ABTB2: variants seen among roughly 807,000 people sequenced by gnomAD.
The protein encoded by ABTB2 is ankyrin repeat and BTB/POZ domain-containing protein 2.
A neutral mutation model predicts 104.1 loss-of-function variants in ABTB2; 56 were observed. The ratio of observed to expected loss-of-function variants is 0.54; its 90% CI spans 0.43 to 0.67. ABTB2 has a LOEUF of 0.67. Ranked by LOEUF, ABTB2 falls within the 30% of genes least tolerant of loss-of-function variation. The pLI is 0.00. For missense variants in ABTB2, 1,279 were observed against 1,407.7 expected, an observed-to-expected ratio of 0.91 and a Z score of 1.46; for synonymous variants, 606 against 608.2, an observed-to-expected ratio of 1.00 and a Z score of 0.05.
chr11:34,221,295 C>A lies in ABTB2; in HGVS notation c.884-16605G>T, dbSNP rs193241126. Reference sequence around the variant, plus strand: ...CCATCTCTTCTTCTGATAAGGACATCGGCCATACTGAGTTAAGGCCTACCC... The same window carrying A: ...CCATCTCTTCTTCTGATAAGGACATAGGCCATACTGAGTTAAGGCCTACCC... On this transcript the variant is annotated intron_variant, in intron 1 of 16. Coordinates refer to ENST00000435224, the MANE Select transcript of ABTB2 (RefSeq NM_145804.3). Among the ~76,000 whole-genome samples, 510 of 152,236 alleles carry A rather than the reference C, an allele frequency of 3.4e-3. 3 individuals are homozygous for A. The highest frequency in any genetic ancestry group is 3.7e-3 in the Non-Finnish European group (250 of 68,012).
rs368982081 is a variant in ABTB2 at position 34,215,220 on chromosome 11, C to T, written c.884-10530G>A. Among the ~76,000 whole-genome samples, 29 of 152,284 alleles carry T rather than the reference C, an allele frequency of 1.9e-4. No individual in the cohort carries two copies. The South Asian group carries it at 3.3e-3, about 17-fold the overall frequency. ...AGGGAGGGAGAGGAGGCAAAGCCAG[C>T]GCAGGGAGTGACAGCTGAGCTGCAT... On this transcript the variant is annotated intron_variant, in intron 1 of 16. Transcript: ENST00000435224.
At chr11:34,269,807 T>C (rs575115807) in intron 1 of ABTB2, among the ~76,000 whole-genome samples, 1 of 152,380 alleles carries the variant, frequency 6.6e-6, no homozygotes, top group South Asian at 2.1e-4. Context: ...AGAGGTTGTG[T>C]GTGCTTCCAC....
chr11:34,355,450 T>G (rs1452417666), intron 1 of ABTB2, among the ~76,000 whole-genome samples: 1 of 152,200 alleles, frequency 6.6e-6, no homozygotes, highest in Admixed American at 6.5e-5. Context: ...TCCTTATCTG[T>G]AAAATGGGCA....
chr11:34,296,242 C>T, intron 1 of ABTB2, among the ~76,000 whole-genome samples: 1 of 151,946 alleles, frequency 6.6e-6, no homozygotes, highest in Non-Finnish European at 1.5e-5. Flanking sequence ...TTGGGTTTAA[C>T]CAGGGTTAGG....
intron 3 of ABTB2, among the ~76,000 whole-genome samples, chr11:34,182,238 G>A (rs964251583): frequency 5.3e-5 from 8 of 152,278 alleles, no homozygotes; most frequent in South Asian, 4.1e-4. Context: ...ACATTGTCCC[G>A]CTAAGTCAGA....
At chr11:34,217,527 TCCTGGCTCACCA>T (rs1853564724) in intron 1 of ABTB2, among the ~76,000 whole-genome samples, 1 of 152,226 alleles carries the variant, frequency 6.6e-6, no homozygotes, top group Non-Finnish European at 1.5e-5. Context: ...AGTGGTGTGA[TCCTGGCTCACCA>T]CAATCTTCGC....
intron 1 of ABTB2, among the ~76,000 whole-genome samples, chr11:34,308,502 A>G (rs1309349209): frequency 6.6e-6 from 1 of 152,194 alleles, no homozygotes; most frequent in Non-Finnish European, 1.5e-5. Context: ...GGGCACAAGC[A>G]CTGTAAGAAT....
chr11:34,203,120 C>A (rs1249114313), intron 2 of ABTB2, among the ~76,000 whole-genome samples: 2 of 152,180 alleles, frequency 1.3e-5, no homozygotes, highest in African/African-American at 4.8e-5. Context: ...CCCCAAGGAG[C>A]TGGTGGCTGG....
At chr11:34,326,043 AAATG>A (rs1855067076) in intron 1 of ABTB2, among the ~76,000 whole-genome samples, 1 of 151,594 alleles carries the variant, frequency 6.6e-6, no homozygotes, top group African/African-American at 2.4e-5. Context: ...AATGTTTACT[AAATG>A]AATGAATGAG....
intron 1 of ABTB2, among the ~76,000 whole-genome samples, chr11:34,314,675 C>T (rs1854902919): frequency 6.6e-6 from 1 of 152,196 alleles, no homozygotes; most frequent in South Asian, 2.1e-4. Flanking sequence ...AGAGCTCAAC[C>T]TCCCCCTGGT....
rs537288734 is a variant in ABTB2 at position 34,162,471 on chromosome 11, C to T, written c.2218+105G>A. 403 of 1,248,716 alleles carry T rather than the reference C, an allele frequency of 3.2e-4. 5 individuals are homozygous for T. In the Middle Eastern group the frequency reaches 7.1e-3, roughly 22 times the overall value. 77.4% of individuals were successfully genotyped at this position (1,248,716 alleles called of 1,614,324 possible). A position where few individuals can be genotyped will look rare whatever the true frequency, so the allele number is the denominator to read the frequency against. ...TCAGCTGCCCTGGGGCTTGTCTGTC[C>T]CTGCAGGCCCTGGCCCTCTCAGGCC... On this transcript the variant is annotated intron_variant, in intron 10 of 16. Transcript: ENST00000435224.
At chr11:34,343,326 C>G (rs1489395542) in intron 1 of ABTB2, among the ~76,000 whole-genome samples, 1 of 152,176 alleles carries the variant, frequency 6.6e-6, no homozygotes, top group African/African-American at 2.4e-5. Flanking sequence ...GCTTTTACCA[C>G]TAATAATAGT....
chr11:34,178,634 C>G (rs1408131950), intron 3 of ABTB2, among the ~76,000 whole-genome samples: 1 of 152,226 alleles, frequency 6.6e-6, no homozygotes, highest in Non-Finnish European at 1.5e-5. Flanking sequence ...ATGCAGATAT[C>G]TGCAGGGCCA....
chr11:34,188,984 C>T (rs538252531), intron 3 of ABTB2, among the ~76,000 whole-genome samples: 2 of 152,298 alleles, frequency 1.3e-5, no homozygotes, highest in South Asian at 2.1e-4. Flanking sequence ...CAGGAGGAAA[C>T]GGAGACTCTG....
rs545468271 is a variant in ABTB2, at chr11:34,242,712, G to A, written c.884-38022C>T. Among the ~76,000 whole-genome samples the A allele has an allele frequency of 5.9e-5, 9 of 152,284 alleles. 1 individual carries two copies. In the East Asian group the frequency reaches 1.7e-3, roughly 29 times the overall value. On this transcript the variant is annotated intron_variant, in intron 1 of 16. Transcript: ENST00000435224. ...GGTGGGGTCTTCCTGGTGTAAGGGT[G>A]TATGACAGATCTAACTAATCACCAC...
intron 2 of ABTB2, among the ~76,000 whole-genome samples, chr11:34,199,226 G>A (rs1425016853): frequency 1.3e-5 from 2 of 152,130 alleles, no homozygotes; most frequent in African/African-American, 4.8e-5. Flanking sequence ...ATGGTGTTTG[G>A]CTTCCAGGCA....
At chr11:34,319,210 C>T (rs1322232041) in intron 1 of ABTB2, among the ~76,000 whole-genome samples, 1 of 152,222 alleles carries the variant, frequency 6.6e-6, no homozygotes, top group Non-Finnish European at 1.5e-5. Context: ...CACAAGAAGC[C>T]TTGGCTCAGG....
chr11:34,200,420 G>A (rs1405012931), intron 2 of ABTB2, among the ~76,000 whole-genome samples: 1 of 152,108 alleles, frequency 6.6e-6, no homozygotes, highest in African/African-American at 2.4e-5. Context: ...GAAAAACCAC[G>A]AAGGCAGCTG....
intron 1 of ABTB2, among the ~76,000 whole-genome samples, chr11:34,286,156 AT>A (rs1854501759): frequency 6.6e-6 from 1 of 151,906 alleles, no homozygotes; most frequent in African/African-American, 2.4e-5. Context: ...AAAAAAAAAA[AT>A]TAGTAAAGAA....
Sources: allele counts gnomAD v4.1 joint callset (sites outside exome capture counted in the v4.1 genomes callset), GRCh38; gene constraint gnomAD v4.1.1; transcripts MANE v1.5; gene names NCBI Gene and HGNC (gene_info 2026-07-23, HGNC 2026-07-21).